CABP2: variants seen among roughly 807,000 people sequenced by gnomAD.
The protein encoded by CABP2 is calcium binding protein 2.
In CABP2, 25 loss-of-function variants were observed where a neutral mutation model predicts 28.6. The observed-to-expected ratio is 0.87, with a 90% CI of 0.64 to 1.22. CABP2 has a LOEUF of 1.22. Among genes scored for constraint, CABP2 ranks in the 50% most tolerant of loss-of-function variants. The pLI, the probability that CABP2 is intolerant of heterozygous loss-of-function variation, is 0.00. For synonymous variants in CABP2, 138 were observed against 126.0 expected, an observed-to-expected ratio of 1.09 and a Z score of -0.64; for missense variants, 310 against 312.2, an observed-to-expected ratio of 0.99 and a Z score of 0.05.
chr11:67,522,070 C>G (rs549074072), intron 2 of CABP2, 88 bp from the exon 3 acceptor site: 1 of 1,240,570 alleles, frequency 8.1e-7, no homozygotes, highest in African/African-American at 1.5e-5. Flanking sequence ...CCACCCAGCC[C>G]CACAATCCAA....
intron 3 of CABP2, among the ~76,000 whole-genome samples, 179 bp from the exon 4 acceptor site, chr11:67,521,338 G>A (rs534472293): frequency 2.0e-5 from 3 of 152,312 alleles, no homozygotes; most frequent in South Asian, 4.1e-4. Context: ...TATTTGAGGA[G>A]CATCTACTAT....
chr11:67,519,277 G>A (rs1866707147), intron 6 of CABP2, 113 bp from the exon 7 acceptor site: 4 of 992,866 alleles, frequency 4.0e-6, no homozygotes, highest in South Asian at 1.3e-5. Context: ...GGTCTTCAAG[G>A]GCATCCTCTG....
chr11:67,522,188 G>A (rs1245435275), intron 2 of CABP2, among the ~76,000 whole-genome samples: 2 of 152,122 alleles, frequency 1.3e-5, no homozygotes, highest in Non-Finnish European at 2.9e-5. Context: ...TTCTGGCCTA[G>A]GTCACTCCTT....
At chr11:67,521,232 C>T in intron 3 of CABP2, 73 bp from the exon 4 acceptor site, 1 of 1,490,640 alleles carries the variant, frequency 6.7e-7, no homozygotes, top group Non-Finnish European at 9.1e-7. Context: ...TACCCTTCTC[C>T]CTTGGTCCAA....
chr11:67,522,668 G>C lies in CABP2; in HGVS notation c.91C>G (p.Pro31Ala). ...GSPPRGSCPS[P>A]SSSPKEQGDP... Reference sequence around the variant, plus strand: ...CCCTGCTCCTTGGGGCTGGAGCTGGGGCTGGGGCAGGAGCCCCTTGGTGGG... The same window carrying C: ...CCCTGCTCCTTGGGGCTGGAGCTGGCGCTGGGGCAGGAGCCCCTTGGTGGG... The change falls in exon 2 of 7, where the codon CCC becomes GCC. Residue 31 changes from proline to alanine, a missense_variant. Physicochemically the swap from Pro to Ala is conservative, Grantham distance 27. Transcript: ENST00000294288. The C allele has an allele frequency of 2.0e-6, 3 of 1,535,876 alleles. No individual in the cohort carries two copies. The highest frequency in any genetic ancestry group is 2.6e-6 in the Non-Finnish European group (3 of 1,138,258).
intron 4 of CABP2, among the ~76,000 whole-genome samples, chr11:67,520,664 CA>C (rs1367769585): frequency 6.6e-6 from 1 of 152,008 alleles, no homozygotes; most frequent in Non-Finnish European, 1.5e-5. Context: ...AAACAAAAAA[CA>C]AAAAACAAAA....
intron 4 of CABP2, among the ~76,000 whole-genome samples, chr11:67,520,540 C>T (rs1051235507): frequency 1.2e-4 from 18 of 152,070 alleles, no homozygotes; most frequent in African/African-American, 4.3e-4. Flanking sequence ...TGCCTGTAAT[C>T]CCAGCTACTC....
chr11:67,523,178 G>C (rs996173221), intron 1 of CABP2, 107 bp downstream of exon 1: 3 of 863,514 alleles, frequency 3.5e-6, no homozygotes, highest in Non-Finnish European at 5.4e-6. Context: ...TGGGGCAGTG[G>C]GCAGCCCCCA....
intron 2 of CABP2, among the ~76,000 whole-genome samples, chr11:67,522,203 C>T (rs112972069): frequency 7.4e-4 from 112 of 152,258 alleles, no homozygotes; most frequent in African/African-American, 2.5e-3. Context: ...CTCCTTGGGC[C>T]GTCCTCACCT....
intron 6 of CABP2, 60 bp downstream of exon 6, chr11:67,519,733 C>T (rs961598727): frequency 2.6e-6 from 4 of 1,561,562 alleles, no homozygotes; most frequent in South Asian, 2.3e-5. Context: ...TCTTGCTGTG[C>T]GGTTTCTTAT....
chr11:67,519,788 G>T lies in CABP2; in HGVS notation c.637+5C>A, dbSNP rs771919679. ...GCGTGTGTTGCTATGTGCGGCAGGG[G>T]GTACCTTCGAAGTCGACCAGACCGT... On this transcript the variant is annotated splice_donor_5th_base_variant and intron_variant, in intron 6 of 6. Transcript: ENST00000294288. 2 of 1,613,440 alleles carry T rather than the reference G, an allele frequency of 1.2e-6. No homozygotes were observed. Among genetic ancestry groups the T allele is most frequent in the Admixed American group, 1.7e-5 (1 of 59,990 alleles).
At chr11:67,520,911 C>T in intron 4 of CABP2, 114 bp downstream of exon 4, 1 of 1,168,568 alleles carries the variant, frequency 8.6e-7, no homozygotes, top group South Asian at 1.4e-5. Context: ...TGACCAAGGT[C>T]ATGGGCTCTG....
chr11:67,520,046 C>T lies in CABP2; in HGVS notation c.489+5G>A, dbSNP rs199660389. ...CCTGCCCGCCCTCAGCCCCAGTGGC[C>T]GCACCTCCCGGAAGGCGTCCCGTAG... On this transcript the variant is annotated splice_donor_5th_base_variant and intron_variant, in intron 5 of 6. Coordinates refer to ENST00000294288, the MANE Select transcript of CABP2 (RefSeq NM_016366.3). 7.4e-6 allele frequency: 12 copies of T among 1,610,920 alleles called. No homozygotes were observed. In the East Asian group the frequency reaches 1.3e-4, roughly 18 times the overall value.
chr11:67,520,572 T>C (rs1363018523), intron 4 of CABP2, among the ~76,000 whole-genome samples: 1 of 152,026 alleles, frequency 6.6e-6, no homozygotes, highest in Non-Finnish European at 1.5e-5. Context: ...GCAGGAGAAT[T>C]GCTTGAACCC....
At chr11:67,521,737 G>A (rs1351002794) in intron 3 of CABP2, among the ~76,000 whole-genome samples, 2 of 152,178 alleles carry the variant, frequency 1.3e-5, no homozygotes, top group African/African-American at 2.4e-5. Flanking sequence ...TGGTGAGTGA[G>A]ACCAAGGAAT....
chr11:67,523,224 A>T, intron 1 of CABP2, 61 bp downstream of exon 1: 1 of 1,284,162 alleles, frequency 7.8e-7, no homozygotes, highest in Non-Finnish European at 1.1e-6. Context: ...TGCCCATCCC[A>T]TCTGACCCTC....
At chr11:67,522,419 C>T (rs1591079682) in intron 2 of CABP2, 127 bp downstream of exon 2, 1 of 972,040 alleles carries the variant, frequency 1.0e-6, no homozygotes, top group Admixed American at 2.1e-5. Flanking sequence ...ATCCTCTTCC[C>T]CCTAGCTCCA....
At position 67,519,103 on chromosome 11, in the gene CABP2, T is replaced by G; in HGVS notation, c.*36A>C. On this transcript the variant is annotated 3_prime_UTR_variant, in exon 7 of 7. Transcript: ENST00000294288. ...GCTGGTGGGCAGAGGCTGTGGTCCT[T>G]GAGTCCTTTATGCTGCCTCCAGCTT... 6.2e-7 allele frequency: 1 copy of G among 1,612,698 alleles called. No homozygotes were observed.
rs777036556 is a variant in CABP2 at position 67,521,955 on chromosome 11, C to A, written c.241G>T (p.Glu81Ter). 6.5e-7 allele frequency: 1 copy of A among 1,537,600 alleles called. No individual in the cohort carries two copies. Among genetic ancestry groups the A allele is most frequent in the African/African-American group, 1.4e-5 (1 of 71,454 alleles). Residue 81 changes from glutamate (E) to a stop codon, truncating the protein, a stop_gained, in exon 3 of 7, where the codon GAA becomes TAA. Coordinates refer to ENST00000294288, the MANE Select transcript of CABP2 (RefSeq NM_016366.3). LOFTEE classifies it high-confidence loss of function. The part of the protein sequence containing the change: ...LDRELRPEEI[E>*]ELQVAFQEFD... ...AGTTCCTTCTCCAACCCTTTACCTTCAATCTCCTCGGGCCGCAGCTCCCGG... is the reference window on the plus strand; with the variant it reads ...AGTTCCTTCTCCAACCCTTTACCTTAAATCTCCTCGGGCCGCAGCTCCCGG...
Sources: gnomAD v4.1 joint callset for allele counts (sites outside exome capture counted in the v4.1 genomes callset) on GRCh38, gnomAD v4.1.1 for gene constraint, MANE v1.5 for transcripts, NCBI Gene and HGNC (gene_info 2026-07-23, HGNC 2026-07-21) for gene names.